The following AGBL2 variants were observed in gnomAD, a reference collection of about 807,000 sequenced individuals.
AGBL2 encodes cytosolic carboxypeptidase 2.
Under a neutral mutation model 103.0 loss-of-function variants are expected in AGBL2, and 87 were observed. The ratio of observed to expected loss-of-function variants is 0.84; its 90% CI spans 0.71 to 1.01. The LOEUF is 1.01. Among genes scored for constraint, AGBL2 ranks in the 50% least tolerant of loss-of-function variants. The pLI is 0.00. For missense variants in AGBL2, 904 were observed against 1,023.5 expected (o/e 0.88, Z 1.59); for synonymous variants, 335 against 356.7 (o/e 0.94, Z 0.69).
At chr11:47,675,495 C>T (rs2097372053) in intron 14 of AGBL2, among the ~76,000 whole-genome samples, 1 of 150,856 alleles carries the variant, frequency 6.6e-6, no homozygotes, top group Admixed American at 6.7e-5. Context: ...GGCGATCCTC[C>T]CTCCCGCCTC....
intron 8 of AGBL2, among the ~76,000 whole-genome samples, chr11:47,696,047 A>G (rs1334446333): frequency 4.8e-5 from 7 of 145,284 alleles, no homozygotes; most frequent in African/African-American, 1.5e-4. Flanking sequence ...GAAAAAAAAA[A>G]ATTAGCTGGG....
intron 13 of AGBL2, among the ~76,000 whole-genome samples, chr11:47,678,335 A>ATTTTTTTTTTTTTTTTTTTTTTTTTTTTT (rs771416947): frequency 1.5e-5 from 1 of 67,786 alleles, no homozygotes; most frequent in Non-Finnish European, 3.2e-5. Flanking sequence ...ATTTTATTTT[A>ATTTTTTTTTTTTTTTTTTTTTTTTTTTTT]TTATTTTATT....
rs150765929 is a variant in AGBL2, at chr11:47,690,392, T to C, written c.1315A>G (p.Ile439Val). 417 of 1,614,106 alleles carry C rather than the reference T, an allele frequency of 2.6e-4. 1 individual carries two copies. In the African/African-American group the frequency reaches 5.0e-3, roughly 19 times the overall value. The change falls in exon 10 of 19, where the codon ATC becomes GTC. Residue 439 changes from isoleucine (I) to valine (V), a missense_variant. Ile to Val is a conservative substitution (Grantham distance 29). Coordinates refer to ENST00000525123, the MANE Select transcript of AGBL2 (RefSeq NM_024783.4). ...LAGNTVYLLT[I>V]TNPSQTPQEA... is the part of the protein sequence containing the mutation. ...TGAGGGGTCTGGGATGGGTTGGTGA[T>C]GGTGAGCAAGTAAACGGTATTTCCT...
chr11:47,710,852 G>A (rs61735128), intron 3 of AGBL2: 248 of 463,188 alleles, frequency 5.4e-4, no homozygotes, highest in African/African-American at 4.4e-3. Context: ...GGTTGCTTGA[G>A]CCTGGGATGT....
At chr11:47,681,353 A>G (rs1443010978) in intron 12 of AGBL2, among the ~76,000 whole-genome samples, 1 of 151,966 alleles carries the variant, frequency 6.6e-6, no homozygotes, top group Non-Finnish European at 1.5e-5. Context: ...ATAAAAATTA[A>G]AAAAAGAAAG....
chr11:47,662,151 CT>C (rs1239950860), intron 18 of AGBL2, among the ~76,000 whole-genome samples: 2 of 152,012 alleles, frequency 1.3e-5, no homozygotes, highest in African/African-American at 4.8e-5. Context: ...CAAACTTACT[CT>C]TTTTTTAAAG....
At chr11:47,697,503 G>A (rs1353483890) in intron 8 of AGBL2, among the ~76,000 whole-genome samples, 1 of 148,676 alleles carries the variant, frequency 6.7e-6, no homozygotes, top group African/African-American at 2.5e-5. Context: ...CTTCCAAAGT[G>A]CTGGGATTAC....
At position 47,668,895 on chromosome 11, in the gene AGBL2, A is replaced by G. The variant is rs1402064507; in HGVS notation, c.2160T>C (p.Ser720=). 6.2e-7 allele frequency: 1 copy of G among 1,612,974 alleles called. No individual in the cohort carries two copies. The highest frequency in any genetic ancestry group is 8.5e-7 in the Non-Finnish European group (1 of 1,179,400). ...GAAGACCATCTGAGAGAGAACTGTC[A>G]GAGCCACTGGTGCTGTTTCCAAAAG... is the stretch of plus-strand genomic sequence containing the variant. ...LSDIESSTSG[S]DSSLSDGLPV... The change falls in exon 15 of 19, where the codon TCT becomes TCC. Residue 720 remains serine (S), a synonymous_variant. Coordinates refer to ENST00000525123, the MANE Select transcript of AGBL2 (RefSeq NM_024783.4).
chr11:47,673,469 T>G (rs1262287421), intron 14 of AGBL2, among the ~76,000 whole-genome samples: 1 of 151,666 alleles, frequency 6.6e-6, no homozygotes, highest in Non-Finnish European at 1.5e-5. Flanking sequence ...CTACTAAAAG[T>G]ACAAAATTAG....
intron 3 of AGBL2, among the ~76,000 whole-genome samples, chr11:47,711,979 A>C (rs2097537587): frequency 6.6e-6 from 1 of 152,208 alleles, no homozygotes; most frequent in African/African-American, 2.4e-5. Flanking sequence ...GTTGGGAGGT[A>C]GGAGGATCGC....
At position 47,714,284 on chromosome 11, in the gene AGBL2, C is replaced by A; in HGVS notation, c.97G>T (p.Ala33Ser). The A allele has an allele frequency of 6.2e-7, 1 of 1,611,130 alleles. No homozygotes were observed. The highest frequency in any genetic ancestry group is 1.1e-5 in the South Asian group (1 of 90,978). The change falls in exon 3 of 19, where the codon GCT (alanine) becomes TCT (serine). Residue 33 changes from alanine (A) to serine (S), a missense_variant and splice_region_variant. Physicochemically the swap from Ala to Ser is moderately conservative, Grantham distance 99. Coordinates refer to ENST00000525123, the MANE Select transcript of AGBL2 (RefSeq NM_024783.4). ...ATACTAGATAAGAACATGGTATTAC[C>A]TTTAAAGTAGCCATAATATTGGAGG... ...RHLQYYGYFK[A>S]QRGSLPNSAT...
chr11:47,700,648 T>C (rs1282906828), intron 7 of AGBL2, among the ~76,000 whole-genome samples: 1 of 152,114 alleles, frequency 6.6e-6, no homozygotes, highest in East Asian at 1.9e-4. Context: ...ACTTGAACTT[T>C]TCAATATCAT....
rs764192610 is a variant in AGBL2, at chr11:47,660,239, A to G, written c.2643T>C (p.Pro881=). 4.0e-5 allele frequency: 64 copies of G among 1,614,130 alleles called. No homozygotes were observed. Among genetic ancestry groups the G allele is most frequent in the Non-Finnish European group, 4.8e-5 (57 of 1,180,060 alleles). The change falls in exon 19 of 19, where the codon CCT becomes CCC. Residue 881 remains proline, a synonymous_variant. Transcript: ENST00000525123. The stretch of plus-strand genomic sequence containing the variant: ...TGGCAGCACAGCCTCTCTTTGTGGC[A>G]GGATATCTGCTCCTAGGCCAGTTTG... ...MKPNWPRSRY[P]ATKRGCAAMA...
chr11:47,694,242 A>AT (rs397699158), intron 8 of AGBL2, among the ~76,000 whole-genome samples: 1 of 151,436 alleles, frequency 6.6e-6, no homozygotes, highest in East Asian at 1.9e-4. Flanking sequence ...AAAAAAAAAA[A>AT]GCACAAAACT....
chr11:47,678,335 A>ATTTTTTTTTTTTTTT (rs771416947), intron 13 of AGBL2, among the ~76,000 whole-genome samples: 3 of 67,816 alleles, frequency 4.4e-5, no homozygotes, highest in South Asian at 5.8e-4. Flanking sequence ...ATTTTATTTT[A>ATTTTTTTTTTTTTTT]TTATTTTATT....
intron 8 of AGBL2, among the ~76,000 whole-genome samples, chr11:47,694,453 G>A (rs1202327967): frequency 2.0e-5 from 3 of 152,090 alleles, no homozygotes; most frequent in Non-Finnish European, 4.4e-5. Flanking sequence ...AGTATATGTG[G>A]AGGCCCTTCC....
At position 47,699,646 on chromosome 11, in the gene AGBL2, T is replaced by C. The variant is rs937936645; in HGVS notation, c.587-93A>G. 5 of 680,376 alleles carry C rather than the reference T, an allele frequency of 7.3e-6. No individual in the cohort carries two copies. In the African/African-American group the frequency reaches 7.7e-5, roughly 10 times the overall value. The allele number at this position is 680,376 out of a possible 1,614,324, so 42.1% of individuals were successfully genotyped here. ...AAAATAATAATAATAATTTTTCAAA[T>C]GGCTAGTTTGGTTGAATCAAACCAA... is the stretch of plus-strand genomic sequence containing the variant. On this transcript the variant is annotated intron_variant, in intron 7 of 18. Transcript: ENST00000525123.
Position 47,699,445 on chromosome 11 carries a change from C to T in AGBL2, c.694+1G>A. The T allele has an allele frequency of 6.7e-7, 1 of 1,481,854 alleles. No homozygotes were observed. Among genetic ancestry groups the T allele is most frequent in the Non-Finnish European group, 9.4e-7 (1 of 1,066,028 alleles). 91.8% of individuals were successfully genotyped at this position (1,481,854 alleles called of 1,614,324 possible). A position where few individuals can be genotyped will look rare whatever the true frequency, so the allele number is the denominator to read the frequency against. ...TTCATTGTTCAGTGTAATGACAATA[C>T]CTGAATCTAATTGATAGACAACTGT... is the stretch of plus-strand genomic sequence containing the variant. On this transcript the variant is annotated splice_donor_variant, in intron 8 of 18. Coordinates refer to ENST00000525123, the MANE Select transcript of AGBL2 (RefSeq NM_024783.4). LOFTEE classifies it high-confidence loss of function.
chr11:47,698,369 T>C, intron 8 of AGBL2, among the ~76,000 whole-genome samples: 1 of 148,926 alleles, frequency 6.7e-6, no homozygotes, highest in East Asian at 2.0e-4. Context: ...ATAGGGTTTC[T>C]CCATGTTGGT....
Sources: allele counts gnomAD v4.1 joint callset (sites outside exome capture counted in the v4.1 genomes callset), GRCh38; gene constraint gnomAD v4.1.1; transcripts MANE v1.5; gene names NCBI Gene and HGNC (gene_info 2026-07-23, HGNC 2026-07-21).